Variants in ATRX observed in about 807,000 individuals in gnomAD.
ATRX encodes the protein chromatin remodeler ATRX.
ATRX carries 12 observed loss-of-function variants against 172.6 expected under a neutral mutation model. That is an observed-to-expected ratio of 0.07 (90% CI 0.04 to 0.11). ATRX has a LOEUF of 0.11. Ranked by LOEUF, ATRX falls within the 10% of genes least tolerant of loss-of-function variation. The pLI is 1.00. For synonymous variants in ATRX, 674 were observed against 594.7 expected, an observed-to-expected ratio of 1.13 and a Z score of -1.94; for missense variants, 1,368 against 1,767.4, an observed-to-expected ratio of 0.77 and a Z score of 4.05.
chrX:77,699,782 T>C (rs1260993698), intron 2 of ATRX, among the ~76,000 whole-genome samples: 1 of 111,471 alleles, frequency 9.0e-6, no homozygotes, highest in African/African-American at 3.3e-5. Context: ...GAGATTAAAT[T>C]AGCAATAAAA....
chrX:77,668,084 G>A (rs1013345905), intron 10 of ATRX, among the ~76,000 whole-genome samples: 13 of 111,638 alleles, frequency 1.2e-4, no homozygotes, highest in African/African-American at 4.2e-4. Context: ...CATAAACCTA[G>A]CCTATAACAT....
At chrX:77,743,376 A>AC (rs782141600) in intron 1 of ATRX, among the ~76,000 whole-genome samples, 6 of 110,377 alleles carry the variant, frequency 5.4e-5, no homozygotes, top group African/African-American at 2.0e-4. Context: ...AGATCATTCC[A>AC]CCCCGCCTAT....
intron 34 of ATRX, among the ~76,000 whole-genome samples, chrX:77,518,736 T>G (rs782521352): frequency 9.0e-6 from 1 of 111,133 alleles, no homozygotes; most frequent in African/African-American, 3.3e-5. Context: ...AGGAATCACA[T>G]TACCTGACTT....
At chrX:77,668,926 T>C (rs782254611) in intron 10 of ATRX, among the ~76,000 whole-genome samples, 79 of 111,319 alleles carry the variant, frequency 7.1e-4, no homozygotes, top group Admixed American at 1.5e-3. Flanking sequence ...GTCGCTTGTT[T>C]AAACGCTCAA....
At chrX:77,784,776 T>C (rs952644651) in intron 1 of ATRX, among the ~76,000 whole-genome samples, 2 of 112,075 alleles carry the variant, frequency 1.8e-5, no homozygotes, top group Non-Finnish European at 3.8e-5. Context: ...ATACGTATCA[T>C]AGGCTCATTG....
intron 6 of ATRX, among the ~76,000 whole-genome samples, chrX:77,689,761 G>A (rs1482185633): frequency 1.8e-5 from 2 of 112,081 alleles, no homozygotes; most frequent in African/African-American, 6.5e-5. Context: ...TTTAAAAACA[G>A]CCATTCCCAC....
intron 6 of ATRX, among the ~76,000 whole-genome samples, chrX:77,692,839 A>G: frequency 1.1e-5 from 1 of 92,312 alleles, no homozygotes; most frequent in Non-Finnish European, 2.2e-5. Flanking sequence ...TGGTTAGCCA[A>G]TATTAGAGTG....
intron 27 of ATRX, among the ~76,000 whole-genome samples, chrX:77,584,549 C>G (rs2065939482): frequency 9.0e-6 from 1 of 111,143 alleles, no homozygotes; most frequent in African/African-American, 3.3e-5. Flanking sequence ...TGAATATACC[C>G]TGGGGAAAAG....
intron 22 of ATRX, chrX:77,616,118 T>C: frequency 1.3e-6 from 1 of 779,882 alleles, no homozygotes; most frequent in South Asian, 5.9e-5. Flanking sequence ...AAGGTCTTCA[T>C]AACAAAAGCA....
chrX:77,626,769 T>C (rs782374810), intron 19 of ATRX, among the ~76,000 whole-genome samples: 2 of 112,387 alleles, frequency 1.8e-5, no homozygotes, highest in African/African-American at 6.5e-5. Context: ...TAGGGAACTT[T>C]TACTTTTCAA....
chrX:77,616,246 G>C, intron 22 of ATRX: 5 of 846,673 alleles, frequency 5.9e-6, no homozygotes, highest in Non-Finnish European at 7.2e-6. Context: ...ACAAACTCAT[G>C]AATTTAACTT....
chrX:77,569,799 G>C lies in ATRX; in HGVS notation c.6326+4451C>G, dbSNP rs183431999. Among the ~76,000 whole-genome samples, 17 of 111,952 alleles carry C rather than the reference G, an allele frequency of 1.5e-4. No individual in the cohort carries two copies. In the South Asian group the frequency reaches 3.0e-3, roughly 19 times the overall value. The stretch of plus-strand genomic sequence containing the variant: ...TGTTCACTGATCAGAAAACAATAAA[G>C]TTATCAATTCTCTGCTGCTAAAAGT... On this transcript the variant is annotated intron_variant, in intron 28 of 34. Transcript: ENST00000373344.
At chrX:77,650,357 T>A in intron 15 of ATRX, among the ~76,000 whole-genome samples, 1 of 111,710 alleles carries the variant, frequency 9.0e-6, no homozygotes, top group South Asian at 3.7e-4. Context: ...TACCAATTTA[T>A]ACGAAATATA....
intron 34 of ATRX, among the ~76,000 whole-genome samples, chrX:77,517,421 G>T (rs192706634): frequency 1.8e-5 from 2 of 111,499 alleles, no homozygotes; most frequent in East Asian, 5.6e-4. Flanking sequence ...GGAAAACCTA[G>T]AAGAAATGGA....
At chrX:77,622,638 G>A (rs1557100695) in intron 19 of ATRX, among the ~76,000 whole-genome samples, 1 of 111,375 alleles carries the variant, frequency 9.0e-6, no homozygotes. Context: ...CCAGAACTCC[G>A]GGGAGGGCGC....
intron 22 of ATRX, among the ~76,000 whole-genome samples, chrX:77,614,925 C>T (rs949270226): frequency 2.7e-5 from 3 of 111,620 alleles, no homozygotes; most frequent in Non-Finnish European, 3.8e-5. Flanking sequence ...CTATCTACCT[C>T]CATGAGGTCA....
chrX:77,653,056 G>A (rs2069354842), intron 14 of ATRX, among the ~76,000 whole-genome samples: 2 of 109,142 alleles, frequency 1.8e-5, no homozygotes, highest in Admixed American at 9.7e-5. Flanking sequence ...CAAAGGAAGT[G>A]TTGGCAAAGA....
intron 1 of ATRX, among the ~76,000 whole-genome samples, chrX:77,717,601 CAAA>C (rs1266020316): frequency 1.8e-4 from 6 of 33,309 alleles, no homozygotes; most frequent in Non-Finnish European, 1.8e-4. Flanking sequence ...GACCCTGTCT[CAAA>C]AAAAAAAAAA....
At chrX:77,756,822 G>A (rs2075517717) in intron 1 of ATRX, among the ~76,000 whole-genome samples, 1 of 109,097 alleles carries the variant, frequency 9.2e-6, no homozygotes, top group Admixed American at 9.9e-5. Flanking sequence ...GTCTCAATCT[G>A]TCACTCAGGC....
Sources: allele counts gnomAD v4.1 joint callset (sites outside exome capture counted in the v4.1 genomes callset), GRCh38; gene constraint gnomAD v4.1.1; transcripts MANE v1.5; gene names NCBI Gene and HGNC (gene_info 2026-07-23, HGNC 2026-07-21).